SOAT1: variants seen among roughly 807,000 people sequenced by gnomAD.
SOAT1 encodes the protein sterol O-acyltransferase 1.
Under a neutral mutation model 69.5 loss-of-function variants are expected in SOAT1, and 55 were observed. That is an observed-to-expected ratio of 0.79 (90% CI 0.64 to 0.99). The LOEUF is 0.99. SOAT1 is among the 50% of genes least tolerant of loss of function. SOAT1 has a pLI of 0.00. For synonymous variants in SOAT1, 231 were observed against 224.7 expected (o/e 1.03, Z -0.25); for missense variants, 580 against 669.3 (o/e 0.87, Z 1.47).
intron 3 of SOAT1, among the ~76,000 whole-genome samples, chr1:179,329,191 T>TA (rs1465404865): frequency 2.6e-5 from 4 of 152,052 alleles, no homozygotes; most frequent in Non-Finnish European, 5.9e-5. Flanking sequence ...ATACAAAAAT[T>TA]AGCTGGGTGT....
At chr1:179,337,005 AAATCAT>A (rs1666183192) in intron 4 of SOAT1, among the ~76,000 whole-genome samples, 1 of 152,120 alleles carries the variant, frequency 6.6e-6, no homozygotes, top group African/African-American at 2.4e-5. Context: ...AAAAAAAAAA[AAATCAT>A]ATCATTACGT....
At chr1:179,298,191 C>A (rs1008308256) in intron 1 of SOAT1, among the ~76,000 whole-genome samples, 1 of 151,796 alleles carries the variant, frequency 6.6e-6, no homozygotes, top group African/African-American at 2.4e-5. Context: ...TCAAGCGATT[C>A]TTCTGCCTCA....
chr1:179,351,334 G>A lies in SOAT1; in HGVS notation c.1468G>A (p.Val490Ile). The change falls in exon 15 of 16, where the codon GTC becomes ATC. Residue 490 changes from valine (V) to isoleucine (I), a missense_variant. Val to Ile is a conservative substitution (Grantham distance 29). Transcript: ENST00000367619. ...ATTTTTAGTGGCTTTCAACTTCATT[G>A]TCAATGATAGTCGGAAAAAGCCGAT... Reference protein sequence around the residue: ...MFFGMAFNFIVNDSRKKPIWN... With the variant: ...MFFGMAFNFIINDSRKKPIWN... 2 of 1,613,942 alleles carry A rather than the reference G, an allele frequency of 1.2e-6. No homozygotes were observed. Among genetic ancestry groups the A allele is most frequent in the Non-Finnish European group, 1.7e-6 (2 of 1,179,936 alleles).
intron 5 of SOAT1, among the ~76,000 whole-genome samples, chr1:179,338,618 A>C (rs1227695196): frequency 2.0e-5 from 3 of 152,192 alleles, no homozygotes; most frequent in African/African-American, 4.8e-5. Flanking sequence ...TGAAGGAATT[A>C]ATCTTTTAAA....
rs1475761515 is a variant in SOAT1, at chr1:179,358,236, A to C, written c.*4595A>C. ...ACTATATTAGTCAAGCATATTATTA[A>C]AGTTTAAAAAACTCTAAAACTTCTG... is the stretch of plus-strand genomic sequence containing the variant. On this transcript the variant is annotated 3_prime_UTR_variant, in exon 16 of 16. Coordinates refer to ENST00000367619, the MANE Select transcript of SOAT1 (RefSeq NM_003101.6). 1 of 152,218 alleles carries C rather than the reference A, an allele frequency of 6.6e-6. No homozygotes were observed. The highest frequency in any genetic ancestry group is 1.5e-5 in the Non-Finnish European group (1 of 68,034). The allele number at this position is 152,218 out of a possible 1,614,324, so 9.4% of individuals were successfully genotyped here. A position where few individuals can be genotyped will look rare whatever the true frequency, so the allele number is the denominator to read the frequency against.
chr1:179,319,968 A>G (rs1665537134), intron 2 of SOAT1, among the ~76,000 whole-genome samples: 1 of 151,992 alleles, frequency 6.6e-6, no homozygotes, highest in South Asian at 2.1e-4. Flanking sequence ...TTCTGGATAC[A>G]AGTCCCTAAT....
At chr1:179,334,141 A>C (rs1666066686) in intron 3 of SOAT1, among the ~76,000 whole-genome samples, 1 of 152,230 alleles carries the variant, frequency 6.6e-6, no homozygotes, top group Non-Finnish European at 1.5e-5. Flanking sequence ...TGAGAACTGT[A>C]GACAGAGCCT....
At chr1:179,328,967 G>A (rs746265870) in intron 3 of SOAT1, among the ~76,000 whole-genome samples, 1 of 149,676 alleles carries the variant, frequency 6.7e-6, no homozygotes, top group Non-Finnish European at 1.5e-5. Flanking sequence ...GATCATTTGA[G>A]CCCAGCAGGT....
At chr1:179,330,044 A>T (rs1665921765) in intron 3 of SOAT1, among the ~76,000 whole-genome samples, 1 of 152,116 alleles carries the variant, frequency 6.6e-6, no homozygotes, top group Non-Finnish European at 1.5e-5. Context: ...GCACAGACAA[A>T]ACCAATGGAC....
intron 10 of SOAT1, among the ~76,000 whole-genome samples, chr1:179,344,324 A>G (rs771239319): frequency 2.1e-5 from 3 of 141,216 alleles, no homozygotes; most frequent in Non-Finnish European, 4.6e-5. Flanking sequence ...TCAAATGCCC[A>G]TTTATGAAGT....
At chr1:179,337,026 C>G (rs1378459828) in intron 4 of SOAT1, among the ~76,000 whole-genome samples, 1 of 151,684 alleles carries the variant, frequency 6.6e-6, no homozygotes, top group Admixed American at 6.6e-5. Context: ...TTACGTGCCT[C>G]TCTATTTGCT....
intron 3 of SOAT1, among the ~76,000 whole-genome samples, chr1:179,329,777 G>C (rs1665913377): frequency 6.6e-6 from 1 of 152,124 alleles, no homozygotes; most frequent in Admixed American, 6.6e-5. Flanking sequence ...CCGACTGCTG[G>C]AGAGACAAGT....
At chr1:179,337,353 A>G (rs1666193706) in intron 4 of SOAT1, among the ~76,000 whole-genome samples, 1 of 152,182 alleles carries the variant, frequency 6.6e-6, no homozygotes, top group Admixed American at 6.5e-5. Context: ...AAGTCCCTTG[A>G]TATCAGGAAG....
At chr1:179,337,164 A>C (rs1666188803) in intron 4 of SOAT1, among the ~76,000 whole-genome samples, 1 of 152,200 alleles carries the variant, frequency 6.6e-6, no homozygotes, top group Admixed American at 6.5e-5. Flanking sequence ...TGCTCTTCTC[A>C]GTTTTATGCC....
At chr1:179,326,608 A>G (rs1314013792) in intron 3 of SOAT1, among the ~76,000 whole-genome samples, 1 of 136,678 alleles carries the variant, frequency 7.3e-6, no homozygotes, top group African/African-American at 2.9e-5. Flanking sequence ...CCCAGGCTGG[A>G]GTGCAGTAGC....
intron 3 of SOAT1, among the ~76,000 whole-genome samples, chr1:179,326,657 A>T (rs1416892011): frequency 1.3e-5 from 2 of 150,800 alleles, no homozygotes; most frequent in African/African-American, 4.9e-5. Context: ...TCCCGGGTTC[A>T]AGTGATTCTC....
At chr1:179,343,253 G>C (rs1485614472) in intron 9 of SOAT1, among the ~76,000 whole-genome samples, 2 of 150,936 alleles carry the variant, frequency 1.3e-5, no homozygotes, top group African/African-American at 4.9e-5. Flanking sequence ...TCTGAGATGG[G>C]AGTCTTGCTC....
At chr1:179,300,397 G>A (rs1190658469) in intron 1 of SOAT1, among the ~76,000 whole-genome samples, 1 of 152,082 alleles carries the variant, frequency 6.6e-6, no homozygotes, top group Non-Finnish European at 1.5e-5. Flanking sequence ...TGTAAGTTGG[G>A]CATCGTCTTG....
chr1:179,297,375 C>T (rs1334322529), intron 1 of SOAT1, among the ~76,000 whole-genome samples: 1 of 152,132 alleles, frequency 6.6e-6, no homozygotes, highest in Non-Finnish European at 1.5e-5. Flanking sequence ...CCAGCTCTGT[C>T]ACCCAGGCTG....
Sources: allele counts gnomAD v4.1 joint callset (sites outside exome capture counted in the v4.1 genomes callset), GRCh38; gene constraint gnomAD v4.1.1; transcripts MANE v1.5; gene names NCBI Gene and HGNC (gene_info 2026-07-23, HGNC 2026-07-21).